The following VWA3A variants were observed in gnomAD, a reference collection of about 807,000 sequenced individuals.
The protein encoded by VWA3A is von Willebrand factor A domain containing 3A, also known as von Willebrand factor A domain-containing protein 3A.
In VWA3A, 134 loss-of-function variants were observed where a neutral mutation model predicts 160.4. That is an observed-to-expected ratio of 0.84 (90% CI 0.73 to 0.96). The LOEUF (loss-of-function observed/expected upper bound fraction) is 0.96, where lower values mean the gene tolerates loss of function less well. Among genes scored for constraint, VWA3A ranks in the 40% least tolerant of loss-of-function variants. The pLI is 0.00. For synonymous variants in VWA3A, 476 were observed against 543.4 expected, an observed-to-expected ratio of 0.88 and a Z score of 1.72; for missense variants, 1,310 against 1,447.9, an observed-to-expected ratio of 0.90 and a Z score of 1.55.
Position 22,131,342 on chromosome 16 carries a change from C to A in VWA3A, c.1727+63C>A, listed in dbSNP as rs1047372303. On this transcript the variant is annotated intron_variant, in intron 18 of 33. Coordinates refer to ENST00000389398, the MANE Select transcript of VWA3A (RefSeq NM_173615.5). ...AGGGAAGGTTTGCAGGCATTGTTTT[C>A]TCTGTCCCCCTCTCCACCAAGAAGT... 1.9e-6 allele frequency: 3 copies of A among 1,561,154 alleles called. No homozygotes were observed. In the African/African-American group the frequency reaches 4.1e-5, roughly 21 times the overall value.
chr16:22,153,985 C>T (rs986017668), intron 31 of VWA3A, among the ~76,000 whole-genome samples: 5 of 152,076 alleles, frequency 3.3e-5, no homozygotes, highest in East Asian at 1.9e-4. Flanking sequence ...GTAATCCTCC[C>T]GCCTGAGCTT....
intron 18 of VWA3A, 77 bp downstream of exon 18, chr16:22,131,356 C>A (rs927355711): frequency 8.4e-6 from 13 of 1,538,508 alleles, no homozygotes; most frequent in African/African-American, 2.7e-5. Context: ...GTCCCCCTCT[C>A]CACCAAGAAG....
chr16:22,133,332 G>A (rs557875546), intron 20 of VWA3A, among the ~76,000 whole-genome samples: 9 of 152,248 alleles, frequency 5.9e-5, no homozygotes, highest in African/African-American at 9.6e-5. Context: ...TTGATGTTAT[G>A]TATATTTTAC....
rs141548031 is a variant in VWA3A, at chr16:22,113,453, G to T, written c.690-1894G>T. 7.6e-3 allele frequency among the ~76,000 whole-genome samples: 1,013 copies of T among 133,412 alleles called. 13 individuals are homozygous for T. The highest frequency in any genetic ancestry group is 0.026 in the African/African-American group (942 of 35,818). 87.5% of individuals were successfully genotyped at this position (133,412 alleles called of 152,430 possible). On this transcript the variant is annotated intron_variant, in intron 8 of 33. Coordinates refer to ENST00000389398, the MANE Select transcript of VWA3A (RefSeq NM_173615.5). ...TTGACCAGGCTGGTCTTGGACTCCTGACCTCAAGTGATCCGCCCTCCTTGG... is the reference window on the plus strand; with the variant it reads ...TTGACCAGGCTGGTCTTGGACTCCTTACCTCAAGTGATCCGCCCTCCTTGG...
In VWA3A at chr16:22,140,186, C is replaced by T. The variant is rs760996055; in HGVS notation, c.2325C>T (p.Ser775=). The T allele has an allele frequency of 6.2e-7, 1 of 1,613,550 alleles. No homozygotes were observed. The highest frequency in any genetic ancestry group is 1.3e-5 in the African/African-American group (1 of 75,012). ...AAGATGACCCTGACAGAGAGAAGAG[C>T]CCCCCGCTGAAATCTCTGAAATGGC... ...SIKDDPDREK[S]PPLKSLKWRP... is the part of the protein sequence containing the mutation. Residue 775 remains serine (S), a synonymous_variant, in exon 23 of 34, where the codon AGC becomes AGT. Transcript: ENST00000389398.
At chr16:22,145,345 T>G (rs1029205347) in intron 26 of VWA3A, among the ~76,000 whole-genome samples, 1 of 152,146 alleles carries the variant, frequency 6.6e-6, no homozygotes, top group Non-Finnish European at 1.5e-5. Context: ...ATTTTAAAAT[T>G]TAGAGATTAT....
At chr16:22,110,070 A>G (rs2141868427) in intron 7 of VWA3A, among the ~76,000 whole-genome samples, 1 of 152,276 alleles carries the variant, frequency 6.6e-6, no homozygotes, top group East Asian at 1.9e-4. Context: ...AGATGGCTGG[A>G]GTCAAATCCC....
chr16:22,121,654 G>GGA (rs1269475840), intron 14 of VWA3A, 37 bp downstream of exon 14: 12 of 1,513,714 alleles, frequency 7.9e-6, no homozygotes, highest in African/African-American at 5.5e-5. Context: ...GTCCTCCACA[G>GGA]GAGAGCTCCC....
chr16:22,094,926 C>G (rs1417502208), intron 1 of VWA3A, among the ~76,000 whole-genome samples: 1 of 149,724 alleles, frequency 6.7e-6, no homozygotes, highest in South Asian at 2.1e-4. Context: ...AAGATCATGC[C>G]ACTGCACTCC....
chr16:22,134,420 T>C lies in VWA3A; in HGVS notation c.2121T>C (p.Ala707=). The part of the protein sequence containing the change: ...INSIMSEMEK[A]LNYSQKCAFL... Reference sequence around the variant, plus strand: ...CCATCATGTCTGAGATGGAAAAGGCTCTCAACTACTCCCAAAAGGTATGCC... The same window carrying C: ...CCATCATGTCTGAGATGGAAAAGGCCCTCAACTACTCCCAAAAGGTATGCC... Residue 707 remains alanine (A), a synonymous_variant, in exon 21 of 34, where the codon GCT becomes GCC. Coordinates refer to ENST00000389398, the MANE Select transcript of VWA3A (RefSeq NM_173615.5). The C allele has an allele frequency of 6.3e-7, 1 of 1,594,610 alleles. No individual in the cohort carries two copies. The highest frequency in any genetic ancestry group is 8.5e-7 in the Non-Finnish European group (1 of 1,169,900).
intron 17 of VWA3A, among the ~76,000 whole-genome samples, chr16:22,129,108 G>A (rs2045901831): frequency 1.3e-5 from 2 of 150,700 alleles, no homozygotes; most frequent in Admixed American, 1.3e-4. Flanking sequence ...GGTGCATGGA[G>A]GCTGGGTACA....
In VWA3A at chr16:22,123,757, G is replaced by C. The variant is rs747476105; in HGVS notation, c.1532+50G>C. ...ATCCTTCATGGGTCTGGTGTGTGACGTGACATTTATCCGCCTCATGAATTC... is the reference window on the plus strand; with the variant it reads ...ATCCTTCATGGGTCTGGTGTGTGACCTGACATTTATCCGCCTCATGAATTC... On this transcript the variant is annotated intron_variant, in intron 16 of 33. Coordinates refer to ENST00000389398, the MANE Select transcript of VWA3A (RefSeq NM_173615.5). The C allele has an allele frequency of 7.2e-6, 11 of 1,521,600 alleles. No homozygotes were observed. The African/African-American group carries it at 1.4e-4, about 19-fold the overall frequency. The allele number at this position is 1,521,600 out of a possible 1,614,324, so 94.3% of individuals were successfully genotyped here. A position where few individuals can be genotyped will look rare whatever the true frequency, so the allele number is the denominator to read the frequency against.
rs182412347 is a variant in VWA3A at position 22,155,575 on chromosome 16, A to G, written c.3414A>G (p.Thr1138=). The change falls in exon 32 of 34, where the codon ACA becomes ACG. Residue 1138 remains threonine, a synonymous_variant. Coordinates refer to ENST00000389398, the MANE Select transcript of VWA3A (RefSeq NM_173615.5). The part of the protein sequence containing the change: ...TKGFINEKDP[T]LPPFEGDDLR... ...CATTTCCTCTTTTCAAGGATCCCAC[A>G]TTGCCACCATTTGAAGGAGATGATT... is the stretch of plus-strand genomic sequence containing the variant. 1.7e-5 allele frequency: 28 copies of G among 1,613,854 alleles called. No homozygotes were observed. In the Admixed American group the frequency reaches 3.8e-4, roughly 22 times the overall value.
intron 27 of VWA3A, among the ~76,000 whole-genome samples, chr16:22,147,046 A>G (rs904536220): frequency 2.6e-5 from 4 of 152,106 alleles, no homozygotes; most frequent in African/African-American, 9.7e-5. Flanking sequence ...TTGTTTTAGA[A>G]ACAGGGTCTT....
chr16:22,135,831 C>T (rs2046030909), intron 21 of VWA3A, among the ~76,000 whole-genome samples: 1 of 152,028 alleles, frequency 6.6e-6, no homozygotes, highest in African/African-American at 2.4e-5. Flanking sequence ...ACTCTGTCGC[C>T]CAGGCTGGAG....
rs534454477 is a variant in VWA3A, at chr16:22,124,701, A to T, written c.1532+994A>T. 1.7e-4 allele frequency among the ~76,000 whole-genome samples: 26 copies of T among 151,924 alleles called. No homozygotes were observed. The East Asian group carries it at 2.1e-3, about 12-fold the overall frequency. ...GAGCCACCGCACCTGGCCACTATAC[A>T]TCTATTATGTAATTTTGTTCTTGAA... On this transcript the variant is annotated intron_variant, in intron 16 of 33. Coordinates refer to ENST00000389398, the MANE Select transcript of VWA3A (RefSeq NM_173615.5).
intron 9 of VWA3A, among the ~76,000 whole-genome samples, chr16:22,115,977 A>G (rs2045634410): frequency 7.0e-6 from 1 of 142,832 alleles, no homozygotes; most frequent in Non-Finnish European, 1.5e-5. Context: ...GGAGGGAGAG[A>G]GAGAGAGAGA....
intron 16 of VWA3A, among the ~76,000 whole-genome samples, chr16:22,125,351 A>C (rs1222520578): frequency 6.6e-6 from 1 of 151,812 alleles, no homozygotes; most frequent in African/African-American, 2.4e-5. Context: ...GCACCATTGC[A>C]CTCCAGCCTG....
chr16:22,111,852 A>G (rs1455360758), intron 8 of VWA3A, among the ~76,000 whole-genome samples: 1 of 152,152 alleles, frequency 6.6e-6, no homozygotes, highest in Non-Finnish European at 1.5e-5. Context: ...TCTGGCCTCA[A>G]GTGCTCTTCC....
Sources: allele counts gnomAD v4.1 joint callset (sites outside exome capture counted in the v4.1 genomes callset), GRCh38; gene constraint gnomAD v4.1.1; transcripts MANE v1.5; gene names NCBI Gene and HGNC (gene_info 2026-07-23, HGNC 2026-07-21).